Variants in PRKCH observed in about 807,000 individuals in gnomAD.
PRKCH encodes protein kinase C eta type.
A neutral mutation model predicts 82.5 loss-of-function variants in PRKCH; 28 were observed. The observed-to-expected ratio is 0.34, with a 90% CI of 0.25 to 0.47. PRKCH has a LOEUF of 0.47. PRKCH is among the 20% of genes least tolerant of loss of function. The pLI, the probability that PRKCH is intolerant of heterozygous loss-of-function variation, is 1.00. For missense variants in PRKCH, 705 were observed against 881.8 expected (o/e 0.80, Z 2.54); for synonymous variants, 322 against 327.4 (o/e 0.98, Z 0.18).
chr14:61,377,977 CTG>C lies in PRKCH; in HGVS notation c.364-13244_364-13243del, dbSNP rs573682848. On this transcript the variant is annotated intron_variant, in intron 1 of 13. Transcript: ENST00000332981. ...TACAGTTCTCTGGGTGTAGCTCTTT[CTG>C]TGTTTTGCCTCCAGCCTTCTCTCTT... Among the ~76,000 whole-genome samples, 16 of 152,292 alleles carry C rather than the reference CTG, an allele frequency of 1.1e-4. No homozygotes were observed. In the South Asian group the frequency reaches 3.3e-3, roughly 32 times the overall value.
chr14:61,486,003 A>C (rs1299531826), intron 10 of PRKCH, among the ~76,000 whole-genome samples: 8 of 152,174 alleles, frequency 5.3e-5, no homozygotes, highest in Admixed American at 5.2e-4. Context: ...CCAAGGATCC[A>C]TTAGGATAAA....
chr14:61,524,727 G>A (rs1022555779), intron 10 of PRKCH, among the ~76,000 whole-genome samples: 1 of 152,172 alleles, frequency 6.6e-6, no homozygotes, highest in Non-Finnish European at 1.5e-5. Flanking sequence ...CCCTCTCCAT[G>A]TTCTGCTCTT....
intron 1 of PRKCH, among the ~76,000 whole-genome samples, chr14:61,342,862 C>G (rs1234822262): frequency 3.3e-5 from 5 of 152,184 alleles, no homozygotes; most frequent in South Asian, 2.1e-4. Context: ...AAAGATTGCC[C>G]TTAGTGTTTC....
chr14:61,237,429 C>G (rs2044799796), intron 1 of PRKCH, among the ~76,000 whole-genome samples: 1 of 152,144 alleles, frequency 6.6e-6, no homozygotes, highest in African/African-American at 2.4e-5. Flanking sequence ...ACTCCTTTCC[C>G]TTTCCAGGTC....
chr14:61,370,415 C>G (rs1275050598), intron 1 of PRKCH, among the ~76,000 whole-genome samples: 5 of 152,042 alleles, frequency 3.3e-5, no homozygotes, highest in African/African-American at 9.7e-5. Flanking sequence ...TGCCAGTTTG[C>G]TAGGCCTGGG....
rs554185615 is a variant in PRKCH, at chr14:61,253,384, A to G, written c.-19+65716A>G. ...ATGGACTTCAAGACTGAGTTTTCAG[A>G]ACTCCTGGGGAAAGGAGATGTGTTT... On this transcript the variant is annotated intron_variant, in intron 1 of 3. Coordinates refer to the PRKCH transcript ENST00000555185. Among the ~76,000 whole-genome samples the G allele has an allele frequency of 5.9e-5, 9 of 152,334 alleles. No homozygotes were observed. The South Asian group carries it at 1.9e-3, about 32-fold the overall frequency.
intron 1 of PRKCH, among the ~76,000 whole-genome samples, chr14:61,330,035 G>A (rs993454542): frequency 6.6e-6 from 1 of 152,222 alleles, no homozygotes; most frequent in African/African-American, 2.4e-5. Flanking sequence ...CAGGCATTGT[G>A]CTCTATCCTG....
intron 1 of PRKCH, among the ~76,000 whole-genome samples, chr14:61,247,283 C>T (rs1479540670): frequency 2.7e-5 from 4 of 149,618 alleles, no homozygotes; most frequent in Admixed American, 6.6e-5. Context: ...TTTTTTTAAA[C>T]TCTGTAGGAA....
chr14:61,357,109 A>G (rs2046160782), intron 1 of PRKCH, among the ~76,000 whole-genome samples: 2 of 152,134 alleles, frequency 1.3e-5, no homozygotes, highest in Admixed American at 6.6e-5. Context: ...AGTACTCCCA[A>G]TTCTATGGCA....
intron 9 of PRKCH, among the ~76,000 whole-genome samples, chr14:61,473,951 G>A (rs1364139042): frequency 6.6e-6 from 1 of 151,492 alleles, no homozygotes; most frequent in Admixed American, 6.6e-5. Flanking sequence ...CCAAGATCAC[G>A]CCATTGCACT....
chr14:61,483,496 T>G (rs1886073340), intron 9 of PRKCH, among the ~76,000 whole-genome samples: 1 of 152,252 alleles, frequency 6.6e-6, no homozygotes, highest in Non-Finnish European at 1.5e-5. Flanking sequence ...TTCTTCACTA[T>G]TAAATTCTTG....
At chr14:61,529,989 G>T (rs1048163548) in intron 11 of PRKCH, among the ~76,000 whole-genome samples, 3 of 152,168 alleles carry the variant, frequency 2.0e-5, no homozygotes, top group African/African-American at 7.2e-5. Flanking sequence ...CGCCATTCAT[G>T]GCTATTTATT....
intron 1 of PRKCH, among the ~76,000 whole-genome samples, chr14:61,334,946 G>T (rs960943926): frequency 1.3e-5 from 2 of 151,962 alleles, no homozygotes; most frequent in African/African-American, 4.8e-5. Flanking sequence ...AGGTTATCTT[G>T]CTTCAGCCTC....
chr14:61,449,248 C>G lies in PRKCH; in HGVS notation c.698C>G (p.Ser233Ter). Residue 233 changes from serine (S) to a stop codon, truncating the protein, a stop_gained, in exon 5 of 14, where the codon TCA becomes TGA. Transcript: ENST00000332981. LOFTEE classifies it high-confidence loss of function. The stretch of plus-strand genomic sequence containing the variant: ...CAAAACAATATTAACAAAGTGGATT[C>G]AAAGGTAAGAGGATAGCAGTTTGCT... ...TCQNNINKVD[S>*]KIAEQRFGIN... is the part of the protein sequence containing the mutation. The G allele has an allele frequency of 1.2e-6, 2 of 1,611,488 alleles. No homozygotes were observed. Among genetic ancestry groups the G allele is most frequent in the Non-Finnish European group, 1.7e-6 (2 of 1,177,678 alleles).
chr14:61,208,869 G>A (rs1379265605), intron 1 of PRKCH, among the ~76,000 whole-genome samples: 3 of 152,142 alleles, frequency 2.0e-5, no homozygotes, highest in African/African-American at 7.2e-5. Flanking sequence ...GATGGTATTT[G>A]TAGTTGTGGC....
intron 2 of PRKCH, among the ~76,000 whole-genome samples, chr14:61,437,965 A>C (rs1883757783): frequency 6.6e-6 from 1 of 152,058 alleles, no homozygotes; most frequent in Non-Finnish European, 1.5e-5. Flanking sequence ...CTAGAACTCT[A>C]GGGTAGTGTG....
At chr14:61,216,487 T>TA (rs895976188) in intron 1 of PRKCH, among the ~76,000 whole-genome samples, 31 of 151,100 alleles carry the variant, frequency 2.1e-4, no homozygotes, top group Admixed American at 4.0e-4. Context: ...AAACAAAAAT[T>TA]AAAAAAAATT....
intron 9 of PRKCH, among the ~76,000 whole-genome samples, chr14:61,462,545 T>C (rs1016282150): frequency 1.3e-5 from 2 of 152,260 alleles, no homozygotes; most frequent in Non-Finnish European, 2.9e-5. Context: ...CATTCGTCTG[T>C]TGGAAGTCCT....
chr14:61,454,774 G>A (rs1790595529), intron 7 of PRKCH, among the ~76,000 whole-genome samples: 1 of 152,196 alleles, frequency 6.6e-6, no homozygotes, highest in South Asian at 2.1e-4. Flanking sequence ...AGCCTTGGCT[G>A]CTTCCCAAGC....
Sources: gnomAD v4.1 joint callset for allele counts (sites outside exome capture counted in the v4.1 genomes callset) on GRCh38, gnomAD v4.1.1 for gene constraint, MANE v1.5 for transcripts, NCBI Gene and HGNC (gene_info 2026-07-23, HGNC 2026-07-21) for gene names.